CPEB1: variants seen among roughly 807,000 people sequenced by gnomAD.
CPEB1 encodes the protein cytoplasmic polyadenylation element binding protein 1, also known as cytoplasmic polyadenylation element-binding protein 1.
In CPEB1, 7 loss-of-function variants were observed where a neutral mutation model predicts 65.8. The ratio of observed to expected loss-of-function variants is 0.11; its 90% CI spans 0.06 to 0.20. The LOEUF (loss-of-function observed/expected upper bound fraction) is 0.20, where lower values mean the gene tolerates loss of function less well. Ranked by LOEUF, CPEB1 falls within the 10% of genes least tolerant of loss-of-function variation. The probability of loss-of-function intolerance (pLI) is 1.00; values close to 1 mark genes in which losing one functional copy is unlikely to be tolerated. For missense variants in CPEB1, 551 were observed against 712.2 expected (o/e 0.77, Z 2.58); for synonymous variants, 262 against 260.0 (o/e 1.01, Z -0.08).
At chr15:82,644,966 TAGA>T (rs2047381794) in intron 1 of CPEB1, among the ~76,000 whole-genome samples, 1 of 152,176 alleles carries the variant, frequency 6.6e-6, no homozygotes, top group Non-Finnish European at 1.5e-5. Context: ...GAAAAGCACA[TAGA>T]ACCATTCCTG....
intron 3 of CPEB1, among the ~76,000 whole-genome samples, chr15:82,617,966 C>G (rs2044907042): frequency 6.6e-6 from 1 of 151,602 alleles, no homozygotes; most frequent in African/African-American, 2.4e-5. Context: ...ATCTCCTGAC[C>G]TCGTGATCCG....
At chr15:82,610,958 C>CAAAAAAAAAAAAAA (rs60065545) in intron 3 of CPEB1, among the ~76,000 whole-genome samples, 4 of 30,018 alleles carry the variant, frequency 1.3e-4, no homozygotes, top group Non-Finnish European at 1.7e-4. Flanking sequence ...ACTCCAGTCT[C>CAAAAAAAAAAAAAA]AAAAAAAAAA....
rs2034689023 is a variant in CPEB1, at chr15:82,543,706, TCAACCCCACCCCCCCA to T, written c.*870_*885del. 1 of 152,052 alleles carries T rather than the reference TCAACCCCACCCCCCCA, an allele frequency of 6.6e-6. No individual in the cohort carries two copies. The highest frequency in any genetic ancestry group is 2.4e-5 in the African/African-American group (1 of 41,308). The allele number at this position is 152,052 out of a possible 1,614,324, so 9.4% of individuals were successfully genotyped here. A position where few individuals can be genotyped will look rare whatever the true frequency, so the allele number is the denominator to read the frequency against. ...GTGACTTTGTGATTAAAAACTTCTATCAACCCCACCCCCCCACATAAGTGCAACTTAAGGAGGTGCA... is the reference window on the plus strand; with the variant it reads ...GTGACTTTGTGATTAAAAACTTCTATCATAAGTGCAACTTAAGGAGGTGCA... On this transcript the variant is annotated 3_prime_UTR_variant, in exon 13 of 13. Coordinates refer to ENST00000684509, the MANE Select transcript of CPEB1 (RefSeq NM_001365242.1).
chr15:82,555,327 T>C (rs534287223), intron 6 of CPEB1, among the ~76,000 whole-genome samples: 2 of 152,324 alleles, frequency 1.3e-5, no homozygotes, highest in East Asian at 1.9e-4. Context: ...GTCAGAACCT[T>C]AAGGATTCCT....
intron 4 of CPEB1, among the ~76,000 whole-genome samples, chr15:82,561,517 C>T (rs982731962): frequency 2.6e-5 from 4 of 152,140 alleles, no homozygotes; most frequent in Non-Finnish European, 5.9e-5. Context: ...GCCCCAAAGG[C>T]TTGTATCTGA....
chr15:82,641,979 AT>A (rs1325142767), intron 1 of CPEB1, among the ~76,000 whole-genome samples: 1 of 152,178 alleles, frequency 6.6e-6, no homozygotes, highest in African/African-American at 2.4e-5. Context: ...GCACTCTGAA[AT>A]TTGGATACTA....
intron 1 of CPEB1, chr15:82,630,066 A>C: frequency 1.0e-6 from 1 of 985,440 alleles, no homozygotes; most frequent in African/African-American, 1.7e-5. Flanking sequence ...GCTGATTCTC[A>C]ATTTCAGGAA....
intron 3 of CPEB1, among the ~76,000 whole-genome samples, chr15:82,620,224 T>C (rs2045164874): frequency 6.6e-6 from 1 of 151,942 alleles, no homozygotes; most frequent in Non-Finnish European, 1.5e-5. Context: ...CTTGCCAATA[T>C]GGTGAATATG....
chr15:82,595,864 A>G (rs1447749183), intron 3 of CPEB1, among the ~76,000 whole-genome samples: 1 of 152,244 alleles, frequency 6.6e-6, no homozygotes, highest in Non-Finnish European at 1.5e-5. Context: ...TATCACTAGA[A>G]AAGAAGTACT....
intron 4 of CPEB1, among the ~76,000 whole-genome samples, chr15:82,558,731 G>A (rs1259604005): frequency 6.6e-6 from 1 of 152,066 alleles, no homozygotes; most frequent in African/African-American, 2.4e-5. Context: ...GACATTGTTA[G>A]GACAGCTCAA....
upstream of CPEB1, chr15:82,648,323 G>A (rs1199971049): frequency 2.5e-5 from 4 of 158,150 alleles, no homozygotes; most frequent in Non-Finnish European, 2.8e-5. Context: ...CGATCGCTTC[G>A]TCAGTAGAGC....
chr15:82,600,839 G>A (rs901208177), intron 3 of CPEB1, among the ~76,000 whole-genome samples: 8 of 151,704 alleles, frequency 5.3e-5, no homozygotes, highest in African/African-American at 1.9e-4. Flanking sequence ...GGGGAGGTTG[G>A]GTGGGTTCTT....
chr15:82,612,065 A>T (rs1567221129), intron 3 of CPEB1, among the ~76,000 whole-genome samples: 1 of 152,054 alleles, frequency 6.6e-6, no homozygotes, highest in South Asian at 2.1e-4. Flanking sequence ...ATACAAAAAA[A>T]TAAGATAAAA....
intron 4 of CPEB1, among the ~76,000 whole-genome samples, chr15:82,568,642 T>C (rs1028824088): frequency 2.6e-5 from 4 of 152,200 alleles, no homozygotes; most frequent in Non-Finnish European, 5.9e-5. Flanking sequence ...ATGGTATCCA[T>C]GTACCAGCCT....
intron 3 of CPEB1, among the ~76,000 whole-genome samples, chr15:82,622,858 T>C (rs1318330133): frequency 6.6e-6 from 1 of 152,192 alleles, no homozygotes; most frequent in Non-Finnish European, 1.5e-5. Flanking sequence ...AGCCACATCC[T>C]ACCCCACCCT....
intron 3 of CPEB1, among the ~76,000 whole-genome samples, chr15:82,619,746 C>T (rs1052444155): frequency 6.6e-6 from 1 of 152,164 alleles, no homozygotes; most frequent in Non-Finnish European, 1.5e-5. Context: ...CTGCTACATA[C>T]ACCCCAAAAT....
intron 3 of CPEB1, among the ~76,000 whole-genome samples, chr15:82,596,697 CAAA>C (rs59895391): frequency 1.1e-4 from 10 of 89,076 alleles, no homozygotes; most frequent in Middle Eastern, 6.0e-3. Flanking sequence ...GACTCTGTCT[CAAA>C]AAAAAAAAAA....
chr15:82,566,869 C>T (rs1272520295), intron 4 of CPEB1, among the ~76,000 whole-genome samples: 4 of 151,962 alleles, frequency 2.6e-5, no homozygotes, highest in African/African-American at 4.8e-5. Flanking sequence ...ATTACATCAC[C>T]GTCCCCTAGA....
chr15:82,546,683 GAA>G (rs2035284259), intron 11 of CPEB1, among the ~76,000 whole-genome samples, 162 bp from the exon 12 acceptor site: 1 of 152,168 alleles, frequency 6.6e-6, no homozygotes, highest in Non-Finnish European at 1.5e-5. Flanking sequence ...TTATGGGCCT[GAA>G]GTACAGAAAG....
Sources: allele counts gnomAD v4.1 joint callset (sites outside exome capture counted in the v4.1 genomes callset), GRCh38; gene constraint gnomAD v4.1.1; transcripts MANE v1.5; gene names NCBI Gene and HGNC (gene_info 2026-07-23, HGNC 2026-07-21).